The following RTL4 variants were observed in gnomAD, a reference collection of about 807,000 sequenced individuals.
The protein encoded by RTL4 is retrotransposon Gag-like protein 4.
In RTL4, 4 loss-of-function variants were observed where a neutral mutation model predicts 5.3. The observed-to-expected ratio is 0.75, with a 90% confidence interval of 0.37 to 1.72. RTL4 has a LOEUF of 1.72. Ranked by LOEUF, RTL4 falls within the 40% of genes most tolerant of loss-of-function variation. RTL4 has a pLI of 0.04. For missense variants in RTL4, 260 were observed against 227.1 expected (o/e 1.14, Z -0.93); for synonymous variants, 98 against 87.3 (o/e 1.12, Z -0.68).
chrX:112,124,695 G>A, the RTL4 span, among the ~76,000 whole-genome samples: 2 of 97,210 alleles, frequency 2.1e-5, no homozygotes, highest in Non-Finnish European at 3.9e-5. Flanking sequence ...GGATTTGAGG[G>A]GAGGGAATTA....
At chrX:112,356,224 G>C in the RTL4 span, among the ~76,000 whole-genome samples, 2 of 111,434 alleles carry the variant, frequency 1.8e-5, no homozygotes, top group East Asian at 5.7e-4. Context: ...CAGATTTCAG[G>C]CTCCAAATTG....
chrX:112,456,274 G>T, exon 1 of RTL4: 1 of 308,289 alleles, frequency 3.2e-6, no homozygotes, highest in Non-Finnish European at 5.9e-6. Context: ...TATATGTTTT[G>T]TTTCCATCTA....
chrX:112,177,682 G>T, the RTL4 span, among the ~76,000 whole-genome samples: 1 of 110,851 alleles, frequency 9.0e-6, no homozygotes, highest in African/African-American at 3.3e-5. Flanking sequence ...AAGCTTGTTA[G>T]CTTGATATAA....
the RTL4 span, among the ~76,000 whole-genome samples, chrX:112,236,442 TC>T: frequency 1.3e-5 from 1 of 79,374 alleles, no homozygotes; most frequent in African/African-American, 5.4e-5. Context: ...TAGATCTATA[TC>T]TATATATAGA....
At chrX:112,431,049 C>G in the RTL4 span, among the ~76,000 whole-genome samples, 1 of 111,684 alleles carries the variant, frequency 9.0e-6, no homozygotes, top group Non-Finnish European at 1.9e-5. Flanking sequence ...CTTTAATAAG[C>G]ATATGCCCCT....
the RTL4 span, among the ~76,000 whole-genome samples, chrX:112,189,240 A>G: frequency 9.0e-6 from 1 of 111,237 alleles, no homozygotes; most frequent in Admixed American, 9.6e-5. Flanking sequence ...TTTTTTAAAA[A>G]GGAAAGAGAA....
chrX:112,121,695 C>G, the RTL4 span, among the ~76,000 whole-genome samples: 1 of 111,288 alleles, frequency 9.0e-6, no homozygotes, highest in Non-Finnish European at 1.9e-5. Flanking sequence ...AAAATATTAA[C>G]AAATTGATTT....
chrX:112,206,623 G>A, the RTL4 span, among the ~76,000 whole-genome samples: 2 of 107,967 alleles, frequency 1.9e-5, no homozygotes, highest in Non-Finnish European at 3.9e-5. Context: ...ATTGTGGCCT[G>A]CCTTCTCTTC....
At chrX:112,355,635 T>C in the RTL4 span, among the ~76,000 whole-genome samples, 2 of 110,859 alleles carry the variant, frequency 1.8e-5, no homozygotes, top group Non-Finnish European at 3.8e-5. Context: ...AAAGAGATAG[T>C]GAGCAAGATG....
chrX:112,321,949 T>A, the RTL4 span, among the ~76,000 whole-genome samples: 40,250 of 111,168 alleles, frequency 0.36, 7,459 homozygotes, highest in African/African-American at 0.72. Context: ...AAATAAAATC[T>A]TCTTTTAGAA....
the RTL4 span, among the ~76,000 whole-genome samples, chrX:112,309,910 GTA>G: frequency 1.9e-5 from 2 of 103,019 alleles, no homozygotes; most frequent in Non-Finnish European, 3.9e-5. Context: ...ATGTGTGTGT[GTA>G]TATATATATG....
chrX:112,320,655 G>A, the RTL4 span, among the ~76,000 whole-genome samples: 24,405 of 110,476 alleles, frequency 0.22, 2,087 homozygotes, highest in Admixed American at 0.32. Flanking sequence ...AAATTTGTTA[G>A]TTGAGCCATG....
chrX:112,354,751 G>A, the RTL4 span, among the ~76,000 whole-genome samples: 3 of 110,806 alleles, frequency 2.7e-5, no homozygotes, highest in East Asian at 8.6e-4. Context: ...TGTGACAGAA[G>A]GAAAGTGAGA....
At chrX:112,443,161 A>G in the RTL4 span, among the ~76,000 whole-genome samples, 2 of 111,851 alleles carry the variant, frequency 1.8e-5, no homozygotes, top group Non-Finnish European at 3.8e-5. Context: ...TTTATATCCA[A>G]CAAATAGGTA....
At chrX:112,390,254 A>G in the RTL4 span, among the ~76,000 whole-genome samples, 1 of 93,621 alleles carries the variant, frequency 1.1e-5, no homozygotes, top group Admixed American at 1.2e-4. Flanking sequence ...GAAGTTTGAG[A>G]GCAGCCTGGC....
chrX:112,416,878 G>C, the RTL4 span, among the ~76,000 whole-genome samples: 1 of 111,590 alleles, frequency 9.0e-6, no homozygotes, highest in Non-Finnish European at 1.9e-5. Context: ...GAGATTTGGT[G>C]CATATCATTT....
the RTL4 span, among the ~76,000 whole-genome samples, chrX:112,363,071 T>C: frequency 1.8e-5 from 2 of 110,579 alleles, no homozygotes; most frequent in Non-Finnish European, 1.9e-5. Context: ...AGTTATCTGA[T>C]CAGAAAAGGG....
the RTL4 span, among the ~76,000 whole-genome samples, chrX:112,137,628 GACATGTGGGGATTACAGGTCCCTTCCTCC>G: frequency 9.0e-6 from 1 of 111,629 alleles, no homozygotes; most frequent in Non-Finnish European, 1.9e-5. Flanking sequence ...TCCCTCCCTC[GACATGTGGGGATTACAGGTCCCTTCCTCC>G]ACACGTGGGG....
chrX:112,208,795 G>C, the RTL4 span, among the ~76,000 whole-genome samples: 1 of 112,537 alleles, frequency 8.9e-6, no homozygotes, highest in African/African-American at 3.2e-5. Flanking sequence ...AGAAGTCCTT[G>C]GGAGAAAGGG....
Sources: allele counts gnomAD v4.1 joint callset (sites outside exome capture counted in the v4.1 genomes callset), GRCh38; gene constraint gnomAD v4.1.1; transcripts MANE v1.5; gene names NCBI Gene and HGNC (gene_info 2026-07-23, HGNC 2026-07-21).